The following HS6ST3 variants were observed in gnomAD, a reference collection of about 807,000 sequenced individuals.
HS6ST3 encodes heparan sulfate 6-O-sulfotransferase 3, also known as heparan-sulfate 6-O-sulfotransferase 3.
Under a neutral mutation model 36.7 loss-of-function variants are expected in HS6ST3, and 12 were observed. The observed-to-expected ratio is 0.33, with a 90% CI of 0.21 to 0.53. HS6ST3 has a LOEUF of 0.53. Ranked by LOEUF, HS6ST3 falls within the 20% of genes least tolerant of loss-of-function variation. HS6ST3 has a pLI of 0.95. For synonymous variants in HS6ST3, 240 were observed against 257.5 expected (o/e 0.93, Z 0.65); for missense variants, 584 against 640.9 (o/e 0.91, Z 0.96).
At chr13:96,693,888 G>T (rs1875047436) in intron 1 of HS6ST3, among the ~76,000 whole-genome samples, 2 of 152,120 alleles carry the variant, frequency 1.3e-5, no homozygotes, top group Admixed American at 1.3e-4. Context: ...ATTCATATTT[G>T]CTGCTGTTCT....
rs141594405 is a variant in HS6ST3 at position 96,381,410 on chromosome 13, G to GTATCTATGTATCTATGTATCTATCTATC, written c.707+289848_707+289849insGTATCTATGTATCTATCTATCTATCTAT. Among the ~76,000 whole-genome samples the GTATCTATGTATCTATGTATCTATCTATC allele has an allele frequency of 5.3e-3, 741 of 138,654 alleles. 3 individuals carry two copies. The highest frequency in any genetic ancestry group is 8.2e-3 in the Non-Finnish European group (511 of 62,568). 91.0% of individuals were successfully genotyped at this position (138,654 alleles called of 152,430 possible). ...TGTATCTATGTATCTATGTATCTAT[G>GTATCTATGTATCTATGTATCTATCTATC]TATCTATCTATCTATCTATCTATCT... On this transcript the variant is annotated intron_variant, in intron 1 of 1. Transcript: ENST00000376705.
At chr13:96,122,782 G>T (rs1227697756) in intron 1 of HS6ST3, among the ~76,000 whole-genome samples, 2 of 152,146 alleles carry the variant, frequency 1.3e-5, no homozygotes, top group African/African-American at 4.8e-5. Flanking sequence ...TGAGAATGAG[G>T]TTTGAGGAAA....
intron 1 of HS6ST3, among the ~76,000 whole-genome samples, chr13:96,095,863 G>GGTGTGTGTGTGTGTGTGTGTGT (rs141939376): frequency 2.9e-4 from 41 of 140,404 alleles, no homozygotes; most frequent in African/African-American, 9.8e-4. Flanking sequence ...TTATATGACT[G>GGTGTGTGTGTGTGTGTGTGTGT]GTGTGTGTGT....
At chr13:96,536,412 A>C (rs1330075436) in intron 1 of HS6ST3, among the ~76,000 whole-genome samples, 1 of 152,230 alleles carries the variant, frequency 6.6e-6, no homozygotes, top group African/African-American at 2.4e-5. Flanking sequence ...CCGCTGTTAC[A>C]CTTATAATTT....
chr13:96,351,320 C>CT lies in HS6ST3; in HGVS notation c.707+259766dup, dbSNP rs11348541. ...TCCCCAAACTGGGGAAGGTGGCAGT[C>CT]TTTTTTTTTTTTTTTAAAAAAAACA... On this transcript the variant is annotated intron_variant, in intron 1 of 1. Coordinates refer to ENST00000376705, the MANE Select transcript of HS6ST3 (RefSeq NM_153456.4). 2.2e-4 allele frequency among the ~76,000 whole-genome samples: 31 copies of CT among 143,152 alleles called. 1 individual carries two copies. The highest frequency in any genetic ancestry group is 4.1e-4 in the Admixed American group (6 of 14,612). The allele number at this position is 143,152 out of a possible 152,430, so 93.9% of individuals were successfully genotyped here.
intron 1 of HS6ST3, among the ~76,000 whole-genome samples, chr13:96,790,304 C>T (rs1594860670): frequency 6.7e-6 from 1 of 148,692 alleles, no homozygotes; most frequent in Admixed American, 6.8e-5. Context: ...CACACACACA[C>T]ACACTCCTCT....
At chr13:96,188,600 G>A (rs1270501338) in intron 1 of HS6ST3, among the ~76,000 whole-genome samples, 1 of 152,174 alleles carries the variant, frequency 6.6e-6, no homozygotes, top group Non-Finnish European at 1.5e-5. Flanking sequence ...ATTGTTAATG[G>A]AGGGGAATAT....
chr13:96,270,762 G>A (rs2054715808), intron 1 of HS6ST3, among the ~76,000 whole-genome samples: 1 of 151,858 alleles, frequency 6.6e-6, no homozygotes, highest in Admixed American at 6.6e-5. Context: ...GGAAAAAAAA[G>A]GAAGCTTGAA....
chr13:96,114,296 G>A (rs1377687383), intron 1 of HS6ST3, among the ~76,000 whole-genome samples: 1 of 152,016 alleles, frequency 6.6e-6, no homozygotes, highest in Non-Finnish European at 1.5e-5. Flanking sequence ...GGGCTACAAG[G>A]TTGTCACCGT....
intron 1 of HS6ST3, among the ~76,000 whole-genome samples, chr13:96,311,916 C>T (rs1429405818): frequency 6.6e-6 from 1 of 151,796 alleles, no homozygotes; most frequent in Non-Finnish European, 1.5e-5. Context: ...AAATAAATCT[C>T]TGCTAGCTTT....
chr13:96,462,559 G>T (rs976140510), intron 1 of HS6ST3, among the ~76,000 whole-genome samples: 1 of 152,080 alleles, frequency 6.6e-6, no homozygotes, highest in Non-Finnish European at 1.5e-5. Flanking sequence ...TTAAGATCAA[G>T]AACAAGATAA....
intron 1 of HS6ST3, among the ~76,000 whole-genome samples, chr13:96,104,441 C>T (rs2139296591): frequency 6.6e-6 from 1 of 152,258 alleles, no homozygotes; most frequent in South Asian, 2.1e-4. Context: ...CCCTAAGATT[C>T]ACACTGTGAT....
intron 1 of HS6ST3, among the ~76,000 whole-genome samples, chr13:96,678,500 C>A (rs2056706945): frequency 1.3e-5 from 2 of 152,070 alleles, no homozygotes; most frequent in Admixed American, 1.3e-4. Context: ...TAGTGAAACC[C>A]TATCTCTACT....
At chr13:96,248,015 TAAGAC>T (rs2054592013) in intron 1 of HS6ST3, among the ~76,000 whole-genome samples, 1 of 152,200 alleles carries the variant, frequency 6.6e-6, no homozygotes, top group Admixed American at 6.5e-5. Flanking sequence ...AGAATTAATA[TAAGAC>T]AAGTTAAGAT....
At chr13:96,733,667 A>G (rs1876213654) in intron 1 of HS6ST3, among the ~76,000 whole-genome samples, 1 of 152,214 alleles carries the variant, frequency 6.6e-6, no homozygotes, top group African/African-American at 2.4e-5. Context: ...TCCTTCACCA[A>G]TGAAATGGGT....
intron 1 of HS6ST3, among the ~76,000 whole-genome samples, chr13:96,251,773 G>C (rs1057044447): frequency 4.6e-5 from 7 of 151,940 alleles, no homozygotes; most frequent in Non-Finnish European, 1.0e-4. Context: ...TTTATCTCAA[G>C]ATATTTTTTG....
At chr13:96,394,996 C>T (rs2055413679) in intron 1 of HS6ST3, among the ~76,000 whole-genome samples, 1 of 152,116 alleles carries the variant, frequency 6.6e-6, no homozygotes, top group Non-Finnish European at 1.5e-5. Context: ...ATTGCCACCT[C>T]TGCCTGTTTA....
chr13:96,647,857 A>G (rs1056252664), intron 1 of HS6ST3, among the ~76,000 whole-genome samples: 100 of 152,136 alleles, frequency 6.6e-4, no homozygotes, highest in African/African-American at 2.3e-3. Context: ...TTGAGAAACT[A>G]TTCTGGAATT....
Position 96,647,825 on chromosome 13 carries a change from A to C in HS6ST3, c.708-184665A>C, listed in dbSNP as rs1349174107. 2.0e-5 allele frequency among the ~76,000 whole-genome samples: 3 copies of C among 152,018 alleles called. No homozygotes were observed. In the East Asian group the frequency reaches 5.8e-4, roughly 29 times the overall value. ...AAAAGGAAATAAGAGATACTTTGCA[A>C]CAGTAGCAAAATGATGGTAGCTTGA... On this transcript the variant is annotated intron_variant, in intron 1 of 1. Coordinates refer to ENST00000376705, the MANE Select transcript of HS6ST3 (RefSeq NM_153456.4).
Sources: allele counts gnomAD v4.1 joint callset (sites outside exome capture counted in the v4.1 genomes callset), GRCh38; gene constraint gnomAD v4.1.1; transcripts MANE v1.5; gene names NCBI Gene and HGNC (gene_info 2026-07-23, HGNC 2026-07-21).